The following PIK3C2A variants were observed in gnomAD, a reference collection of about 807,000 sequenced individuals.
PIK3C2A encodes the protein phosphatidylinositol-4-phosphate 3-kinase catalytic subunit type 2 alpha, also known as phosphatidylinositol 4-phosphate 3-kinase C2 domain-containing subunit alpha.
In PIK3C2A, 97 loss-of-function variants were observed where a neutral mutation model predicts 204.5. That is an observed-to-expected ratio of 0.47 (90% confidence interval 0.40 to 0.56). The LOEUF (loss-of-function observed/expected upper bound fraction) is 0.56, where lower values mean the gene tolerates loss of function less well. PIK3C2A is among the 20% of genes least tolerant of loss of function. The pLI, the probability that PIK3C2A is intolerant of heterozygous loss-of-function variation, is 0.00. For missense variants in PIK3C2A, 1,735 were observed against 1,969.2 expected, an observed-to-expected ratio of 0.88 and a Z score of 2.25; for synonymous variants, 653 against 664.4, an observed-to-expected ratio of 0.98 and a Z score of 0.26.
At chr11:17,148,618 T>C (rs1382784426) in intron 5 of PIK3C2A, 49 bp downstream of exon 5, 12 of 1,573,834 alleles carry the variant, frequency 7.6e-6, no homozygotes, top group Non-Finnish European at 8.7e-6. Flanking sequence ...GATTAAACCA[T>C]TAAAAATGAA....
intron 1 of PIK3C2A, among the ~76,000 whole-genome samples, chr11:17,194,861 A>G (rs1852091053): frequency 6.6e-6 from 1 of 151,468 alleles, no homozygotes; most frequent in Admixed American, 6.6e-5. Flanking sequence ...GTGAGCCGAG[A>G]CTGCGACATT....
intron 27 of PIK3C2A, among the ~76,000 whole-genome samples, chr11:17,095,694 G>A (rs1431844904): frequency 6.6e-6 from 1 of 151,830 alleles, no homozygotes; most frequent in Non-Finnish European, 1.5e-5. Flanking sequence ...TGGATTACTT[G>A]GGGCCAGGAA....
chr11:17,135,048 A>G lies in PIK3C2A; in HGVS notation c.1898-19T>C, dbSNP rs1565265490. On this transcript the variant is annotated intron_variant, in intron 10 of 32. Transcript: ENST00000691414. ...AGTGAGCCTAGATTAAAGAAAAAAA[A>G]AGTTAATAGATTCTCTGAAAAGGCG... is the stretch of plus-strand genomic sequence containing the variant. The G allele has an allele frequency of 6.2e-7, 1 of 1,612,700 alleles. No individual in the cohort carries two copies. Among genetic ancestry groups the G allele is most frequent in the Admixed American group, 1.7e-5 (1 of 59,912 alleles).
chr11:17,138,341 T>G, intron 8 of PIK3C2A: 1 of 405,540 alleles, frequency 2.5e-6, no homozygotes, highest in Non-Finnish European at 4.6e-6. Context: ...TTTTTTTTTT[T>G]AATTCAGTGT....
chr11:17,114,764 A>T (rs1849124528), intron 19 of PIK3C2A, among the ~76,000 whole-genome samples: 1 of 152,242 alleles, frequency 6.6e-6, no homozygotes, highest in South Asian at 2.1e-4. Flanking sequence ...ATGAAAATTT[A>T]AAACAACATC....
chr11:17,097,668 C>T (rs549777963), intron 26 of PIK3C2A, among the ~76,000 whole-genome samples: 48 of 152,338 alleles, frequency 3.2e-4, no homozygotes, highest in Non-Finnish European at 6.0e-4. Flanking sequence ...AATCCCAGCA[C>T]TTTGGGAGGC....
chr11:17,098,585 C>G (rs940933134), intron 26 of PIK3C2A, among the ~76,000 whole-genome samples: 2 of 152,096 alleles, frequency 1.3e-5, no homozygotes, highest in Non-Finnish European at 2.9e-5. Context: ...GTGGTTTTGC[C>G]CAGGGGAGCC....
Position 17,196,314 on chromosome 11 carries a change from A to G in PIK3C2A, c.-66+11534T>C, listed in dbSNP as rs115661044. Among the ~76,000 whole-genome samples, 624 of 152,318 alleles carry G rather than the reference A, an allele frequency of 4.1e-3. 3 individuals are homozygous for G. Among genetic ancestry groups the G allele is most frequent in the African/African-American group, 0.014 (584 of 41,576 alleles). On this transcript the variant is annotated intron_variant, in intron 1 of 32. Coordinates refer to ENST00000691414, the MANE Select transcript of PIK3C2A (RefSeq NM_002645.4). ...AATTTCAGGCAGACACAGTCATGTG[A>G]TCTGATTTACATTGCTCAAGATCCC...
At chr11:17,124,637 T>C (rs569143724) in intron 13 of PIK3C2A, among the ~76,000 whole-genome samples, 2 of 152,204 alleles carry the variant, frequency 1.3e-5, no homozygotes, top group Non-Finnish European at 2.9e-5. Flanking sequence ...CCTGGCTTTG[T>C]AAATAAACTT....
At chr11:17,165,549 G>T (rs538360389) in intron 2 of PIK3C2A, among the ~76,000 whole-genome samples, 6 of 152,016 alleles carry the variant, frequency 3.9e-5, no homozygotes, top group African/African-American at 1.4e-4. Context: ...GCTGAGGCAG[G>T]CAGATCACCT....
At chr11:17,116,041 A>G (rs1043529816) in intron 19 of PIK3C2A, among the ~76,000 whole-genome samples, 2 of 152,164 alleles carry the variant, frequency 1.3e-5, no homozygotes, top group Non-Finnish European at 1.5e-5. Context: ...AAATAGATAA[A>G]CTGGACTTCA....
At chr11:17,121,285 T>C (rs1466039736) in intron 15 of PIK3C2A, among the ~76,000 whole-genome samples, 1 of 151,932 alleles carries the variant, frequency 6.6e-6, no homozygotes, top group African/African-American at 2.4e-5. Context: ...GCCTGGCTAC[T>C]TTTAATTTTT....
intron 13 of PIK3C2A, among the ~76,000 whole-genome samples, chr11:17,125,582 C>T (rs1039568927): frequency 2.0e-5 from 3 of 151,726 alleles, no homozygotes; most frequent in Admixed American, 6.6e-5. Flanking sequence ...GGTGCAATTT[C>T]GCCTCACTGC....
rs752396645 is a variant in PIK3C2A, at chr11:17,114,341, A to G, written c.3321+20T>C. ...TTATTTTCAAATGTAATATGAACTTATAAGTATTTTATGTGTCACCTTAAT... is the reference window on the plus strand; with the variant it reads ...TTATTTTCAAATGTAATATGAACTTGTAAGTATTTTATGTGTCACCTTAAT... On this transcript the variant is annotated intron_variant, in intron 20 of 32. Transcript: ENST00000691414. 54 of 1,158,744 alleles carry G rather than the reference A, an allele frequency of 4.7e-5. No homozygotes were observed. Among genetic ancestry groups the G allele is most frequent in the Non-Finnish European group, 6.5e-5 (50 of 765,950 alleles). 71.8% of individuals were successfully genotyped at this position (1,158,744 alleles called of 1,614,324 possible). A position where few individuals can be genotyped will look rare whatever the true frequency, so the allele number is the denominator to read the frequency against.
rs1395835654 is a variant in PIK3C2A at position 17,089,380 on chromosome 11, AAC to A, written c.*356_*357del. 6.0e-6 allele frequency: 1 copy of A among 165,786 alleles called. No homozygotes were observed. Among genetic ancestry groups the A allele is most frequent in the East Asian group, 1.7e-4 (1 of 5,942 alleles). The allele number at this position is 165,786 out of a possible 1,614,324, so 10.3% of individuals were successfully genotyped here. On this transcript the variant is annotated 3_prime_UTR_variant, in exon 33 of 33. Transcript: ENST00000691414. ...GGCTATAAAAGGTGCATAACAGGAA[AAC>A]ACATATGCTTTGCCTCCTTATAGAA...
At chr11:17,146,307 T>C (rs1449322180) in intron 6 of PIK3C2A, among the ~76,000 whole-genome samples, 1 of 152,136 alleles carries the variant, frequency 6.6e-6, no homozygotes, top group Non-Finnish European at 1.5e-5. Context: ...TGGAGGTCAT[T>C]TAAATTTCTG....
intron 1 of PIK3C2A, among the ~76,000 whole-genome samples, chr11:17,178,452 A>C (rs1851414011): frequency 6.6e-6 from 1 of 152,226 alleles, no homozygotes; most frequent in Non-Finnish European, 1.5e-5. Flanking sequence ...TCTTCCCCAC[A>C]GTCATCTCTT....
intron 1 of PIK3C2A, among the ~76,000 whole-genome samples, chr11:17,200,672 A>C (rs906597303): frequency 6.6e-6 from 1 of 152,180 alleles, no homozygotes; most frequent in African/African-American, 2.4e-5. Context: ...TATATCTTGT[A>C]TCTTAATTGT....
At chr11:17,147,467 A>AT in intron 6 of PIK3C2A, 50 bp downstream of exon 6, 3 of 1,042,498 alleles carry the variant, frequency 2.9e-6, no homozygotes, top group Non-Finnish European at 3.0e-6. Flanking sequence ...AAATTAGCAG[A>AT]ATTATTCAGA....
Sources: allele counts gnomAD v4.1 joint callset (sites outside exome capture counted in the v4.1 genomes callset), GRCh38; gene constraint gnomAD v4.1.1; transcripts MANE v1.5; gene names NCBI Gene and HGNC (gene_info 2026-07-23, HGNC 2026-07-21).